YTHDC2: variants seen among roughly 807,000 people sequenced by gnomAD.
YTHDC2 encodes YTH N6-methyladenosine RNA binding protein C2.
Under a neutral mutation model 174.9 loss-of-function variants are expected in YTHDC2, and 45 were observed. The observed-to-expected ratio is 0.26, with a 90% CI of 0.20 to 0.33. The LOEUF (loss-of-function observed/expected upper bound fraction) is 0.33, where lower values mean the gene tolerates loss of function less well. Among genes scored for constraint, YTHDC2 ranks in the 10% least tolerant of loss-of-function variants. The pLI, the probability that YTHDC2 is intolerant of heterozygous loss-of-function variation, is 1.00. For missense variants in YTHDC2, 1,650 were observed against 1,723.7 expected (o/e 0.96, Z 0.76); for synonymous variants, 657 against 574.5 (o/e 1.14, Z -2.05).
intron 2 of YTHDC2, among the ~76,000 whole-genome samples, chr5:113,524,056 T>C (rs1774049751): frequency 6.6e-6 from 1 of 152,148 alleles, no homozygotes; most frequent in South Asian, 2.1e-4. Context: ...CTTAATCATA[T>C]GAATAATCCT....
At position 113,553,841 on chromosome 5, in the gene YTHDC2, G is replaced by C; in HGVS notation, c.2039G>C (p.Gly680Ala). ...QKKVLKNPPA[G>A]VRKIILSTNI... The stretch of plus-strand genomic sequence containing the variant: ...AAAGTATTAAAAAACCCACCTGCAG[G>C]TGTTCGAAAAATAGTAAGCTTCATA... The change falls in exon 15 of 30, where the codon GGT becomes GCT. Residue 680 changes from glycine to alanine, a missense_variant. Gly to Ala is a moderately conservative substitution (Grantham distance 60, BLOSUM62 0). Coordinates refer to ENST00000161863, the MANE Select transcript of YTHDC2 (RefSeq NM_022828.5). 1.9e-6 allele frequency: 3 copies of C among 1,607,524 alleles called. No homozygotes were observed. The highest frequency in any genetic ancestry group is 2.5e-6 in the Non-Finnish European group (3 of 1,178,276).
intron 2 of YTHDC2, among the ~76,000 whole-genome samples, chr5:113,520,014 A>T (rs1170288666): frequency 6.6e-6 from 1 of 152,150 alleles, no homozygotes; most frequent in African/African-American, 2.4e-5. Context: ...TAAGCCCTGC[A>T]TGCATTAGAT....
intron 7 of YTHDC2, among the ~76,000 whole-genome samples, chr5:113,536,495 A>G (rs1465578259): frequency 6.6e-6 from 1 of 152,242 alleles, no homozygotes; most frequent in Non-Finnish European, 1.5e-5. Context: ...ACTGCACTCC[A>G]GCCTGGGTGA....
rs1216731808 is a variant in YTHDC2, at chr5:113,553,305, G to C, written c.1813G>C (p.Asp605His). The C allele has an allele frequency of 1.2e-6, 2 of 1,611,830 alleles. No individual in the cohort carries two copies. Among genetic ancestry groups the C allele is most frequent in the East Asian group, 2.2e-5 (1 of 44,800 alleles). ...TCATAGTTTCGATGATGAAAAAGTA[G>C]ACTTGGATTTGATCATGCATCTTCT... ...YHHSFDDEKV[D>H]LDLIMHLLYN... The change falls in exon 13 of 30, where the codon GAC becomes CAC. Residue 605 changes from aspartate (D) to histidine (H), a missense_variant. By Grantham distance (81) the Asp-to-His change is moderately conservative. Coordinates refer to ENST00000161863, the MANE Select transcript of YTHDC2 (RefSeq NM_022828.5).
At chr5:113,531,547 A>T (rs1016546863) in intron 4 of YTHDC2, among the ~76,000 whole-genome samples, 1 of 152,064 alleles carries the variant, frequency 6.6e-6, no homozygotes, top group Non-Finnish European at 1.5e-5. Flanking sequence ...TGTGTCTACG[A>T]GCTCAGCTTT....
intron 24 of YTHDC2, among the ~76,000 whole-genome samples, chr5:113,581,057 C>T (rs79680811): frequency 6.6e-6 from 1 of 152,058 alleles, no homozygotes; most frequent in Non-Finnish European, 1.5e-5. Flanking sequence ...TTCTGTGAAT[C>T]CAGCTGCCTT....
chr5:113,551,797 A>C (rs186383891), intron 12 of YTHDC2, among the ~76,000 whole-genome samples: 232 of 152,300 alleles, frequency 1.5e-3, no homozygotes, highest in Non-Finnish European at 2.8e-3. Flanking sequence ...TAGAAGTTTA[A>C]TATTTTTCCC....
rs554848615 is a variant in YTHDC2, at chr5:113,518,049, C to T, written c.278+2687C>T. Among the ~76,000 whole-genome samples, 997 of 152,016 alleles carry T rather than the reference C, an allele frequency of 6.6e-3. 7 individuals carry two copies. Among genetic ancestry groups the T allele is most frequent in the African/African-American group, 0.022 (919 of 41,454 alleles). On this transcript the variant is annotated intron_variant, in intron 2 of 29. Coordinates refer to ENST00000161863, the MANE Select transcript of YTHDC2 (RefSeq NM_022828.5). ...GACTACAGGCGCCCACCACCACGCC[C>T]GGCTAATTTTTTGTATTTTCAGTAG...
chr5:113,579,436 A>T (rs149429013), intron 23 of YTHDC2, 150 bp from the exon 24 acceptor site: 8 of 477,134 alleles, frequency 1.7e-5, no homozygotes, highest in African/African-American at 8.0e-5. Context: ...CTGAGATTTA[A>T]CATGTGATCT....
intron 2 of YTHDC2, among the ~76,000 whole-genome samples, chr5:113,519,989 T>C (rs569696800): frequency 1.3e-5 from 2 of 152,212 alleles, no homozygotes; most frequent in Non-Finnish European, 2.9e-5. Flanking sequence ...ACCTATCAAC[T>C]CATCAGCTAG....
In YTHDC2 at chr5:113,563,456, A is replaced by G. The variant is rs1250136219; in HGVS notation, c.2406A>G (p.Pro802=). Residue 802 remains proline, a synonymous_variant, in exon 19 of 30, where the codon CCA becomes CCG. Coordinates refer to ENST00000161863, the MANE Select transcript of YTHDC2 (RefSeq NM_022828.5). ...TTATGAAAGCTCCTGAACCTCCACC[A>G]GCTTTAATTGTAAGAAATGCTGTAC... is the stretch of plus-strand genomic sequence containing the variant. ...DFLMKAPEPP[P]ALIVRNAVQM... 6.2e-7 allele frequency: 1 copy of G among 1,610,632 alleles called. No individual in the cohort carries two copies. The highest frequency in any genetic ancestry group is 8.5e-7 in the Non-Finnish European group (1 of 1,178,054).
chr5:113,581,697 C>G lies in YTHDC2; in HGVS notation c.3635C>G (p.Thr1212Ser). The change falls in exon 25 of 30, where the codon ACT (threonine) becomes AGT (serine). Residue 1212 changes from threonine (T) to serine (S), a missense_variant. Coordinates refer to ENST00000161863, the MANE Select transcript of YTHDC2 (RefSeq NM_022828.5). Reference sequence around the variant, plus strand: ...GATACTGAATTTTCTGATGAGTGTACTACTGCAGAAAGGTAAATTTATGAC... The same window carrying G: ...GATACTGAATTTTCTGATGAGTGTAGTACTGCAGAAAGGTAAATTTATGAC... ...SADTEFSDEC[T>S]TAERVLMKSP... 6.4e-7 allele frequency: 1 copy of G among 1,565,288 alleles called. No individual in the cohort carries two copies.
intron 17 of YTHDC2, among the ~76,000 whole-genome samples, chr5:113,560,039 T>C (rs1017990929): frequency 1.3e-5 from 2 of 152,200 alleles, no homozygotes; most frequent in Non-Finnish European, 2.9e-5. Context: ...GAAAAACCCA[T>C]AGGAAAGCTT....
intron 2 of YTHDC2, among the ~76,000 whole-genome samples, chr5:113,519,507 A>G (rs1580469814): frequency 6.6e-6 from 1 of 152,232 alleles, no homozygotes; most frequent in South Asian, 2.1e-4. Context: ...AAAAATCTGT[A>G]GAATGGGAAA....
intron 4 of YTHDC2, among the ~76,000 whole-genome samples, chr5:113,527,912 T>G (rs1343381380): frequency 6.6e-6 from 1 of 152,134 alleles, no homozygotes; most frequent in Non-Finnish European, 1.5e-5. Context: ...TGGCTCAGCC[T>G]CCTGAGTAAC....
intron 17 of YTHDC2, among the ~76,000 whole-genome samples, chr5:113,556,984 A>G (rs531630155): frequency 2.0e-5 from 3 of 152,172 alleles, no homozygotes; most frequent in South Asian, 2.1e-4. Flanking sequence ...GTGTTCTTAT[A>G]TGGAATGAGT....
rs199612742 is a variant in YTHDC2 at position 113,535,351 on chromosome 5, A to AT, written c.946-280dup. On this transcript the variant is annotated intron_variant, in intron 6 of 29. Coordinates refer to ENST00000161863, the MANE Select transcript of YTHDC2 (RefSeq NM_022828.5). ...ATAGGATATGTGCAAATACTATGCC[A>AT]TTTTTTTTTTTAATCAGGGACTTGA... is the stretch of plus-strand genomic sequence containing the variant. Among the ~76,000 whole-genome samples the AT allele has an allele frequency of 3.6e-3, 529 of 147,896 alleles. 20 individuals are homozygous for AT. The East Asian group carries it at 0.087, about 24-fold the overall frequency.
intron 10 of YTHDC2, among the ~76,000 whole-genome samples, chr5:113,545,324 C>G (rs964113601): frequency 1.6e-4 from 24 of 151,272 alleles, no homozygotes; most frequent in African/African-American, 5.3e-4. Context: ...TGTGTTGGCT[C>G]CTATTGATTT....
chr5:113,560,140 A>G (rs1052967527), intron 17 of YTHDC2, among the ~76,000 whole-genome samples: 2 of 152,302 alleles, frequency 1.3e-5, no homozygotes, highest in Middle Eastern at 3.4e-3. Flanking sequence ...GTGGGAAATC[A>G]TTAGGCATCC....
Sources: allele counts gnomAD v4.1 joint callset (sites outside exome capture counted in the v4.1 genomes callset), GRCh38; gene constraint gnomAD v4.1.1; transcripts MANE v1.5; gene names NCBI Gene and HGNC (gene_info 2026-07-23, HGNC 2026-07-21).